Variants in CLINT1 observed in about 807,000 individuals in gnomAD.
CLINT1 encodes the protein clathrin interacting protein localized in the trans-Golgi region.
A neutral mutation model predicts 70.4 loss-of-function variants in CLINT1; 15 were observed. The ratio of observed to expected loss-of-function variants is 0.21; its 90% CI spans 0.14 to 0.33. The LOEUF is 0.33. Among genes scored for constraint, CLINT1 ranks in the 10% least tolerant of loss-of-function variants. CLINT1 has a pLI of 1.00. For synonymous variants in CLINT1, 227 were observed against 254.7 expected, an observed-to-expected ratio of 0.89 and a Z score of 1.04; for missense variants, 615 against 778.1, an observed-to-expected ratio of 0.79 and a Z score of 2.49.
chr5:157,822,737 A>G (rs1186981), intron 1 of CLINT1, among the ~76,000 whole-genome samples: 20,380 of 152,230 alleles, frequency 0.13, 1,800 homozygotes, highest in African/African-American at 0.25. Context: ...GGTAGAATTG[A>G]TTAAAAGCTA....
Position 157,787,806 on chromosome 5 carries a change from TTCA to T in CLINT1, c.1715_1717del (p.Met572del), listed in dbSNP as rs1277331312. On this transcript the variant is annotated inframe_deletion, in exon 12 of 12. Transcript: ENST00000411809. ...CATGTTCATGCCCATCATGCTCTGG[TTCA>T]TCATCGGAGTATTTCCAAGAGGGGC... 8 of 1,613,956 alleles carry T rather than the reference TTCA, an allele frequency of 5.0e-6. No individual in the cohort carries two copies. The African/African-American group carries it at 8.0e-5, about 16-fold the overall frequency.
At chr5:157,793,160 T>C (rs989482265) in intron 9 of CLINT1, among the ~76,000 whole-genome samples, 1 of 151,740 alleles carries the variant, frequency 6.6e-6, no homozygotes, top group East Asian at 1.9e-4. Context: ...CAATTTAATA[T>C]AAAAATTGGG....
Position 157,841,815 on chromosome 5 carries a change from G to C in CLINT1, c.41+17115C>G, listed in dbSNP as rs369706706. ...CCTCGCTAATTTTATATTTTTTGTA[G>C]AGACAGGGTCTTATTATGTGGCCCT... On this transcript the variant is annotated intron_variant, in intron 1 of 11. Coordinates refer to ENST00000411809, the MANE Select transcript of CLINT1 (RefSeq NM_014666.4). Among the ~76,000 whole-genome samples the C allele has an allele frequency of 8.3e-4, 126 of 152,190 alleles. 1 individual carries two copies. The highest frequency in any genetic ancestry group is 2.7e-3 in the African/African-American group (112 of 41,536).
At chr5:157,823,310 A>G (rs775936570) in intron 1 of CLINT1, among the ~76,000 whole-genome samples, 2 of 152,210 alleles carry the variant, frequency 1.3e-5, no homozygotes, top group Non-Finnish European at 2.9e-5. Context: ...AAAGTATTAT[A>G]TTGTAACCAA....
chr5:157,817,882 T>C (rs1013831486), intron 1 of CLINT1, among the ~76,000 whole-genome samples: 5 of 152,200 alleles, frequency 3.3e-5, no homozygotes, highest in Non-Finnish European at 5.9e-5. Flanking sequence ...TAAAACTAAG[T>C]TGTCAGTTTC....
intron 1 of CLINT1, among the ~76,000 whole-genome samples, chr5:157,848,846 G>C (rs946095722): frequency 6.6e-6 from 1 of 151,554 alleles, no homozygotes; most frequent in Non-Finnish European, 1.5e-5. Flanking sequence ...ATTTTTAGTA[G>C]AGACGGGGTT....
chr5:157,851,647 A>G (rs570055295), intron 1 of CLINT1, among the ~76,000 whole-genome samples: 42 of 149,476 alleles, frequency 2.8e-4, no homozygotes, highest in African/African-American at 9.9e-4. Context: ...AGATGGCACC[A>G]TTACACTCCA....
At chr5:157,803,612 C>A (rs1438356752) in intron 8 of CLINT1, 38 bp downstream of exon 8, 1 of 1,368,296 alleles carries the variant, frequency 7.3e-7, no homozygotes, top group Middle Eastern at 1.9e-4. Flanking sequence ...TAAAAAATGA[C>A]TCTCAAACCA....
At chr5:157,842,076 T>C (rs1044899306) in intron 1 of CLINT1, among the ~76,000 whole-genome samples, 3 of 152,238 alleles carry the variant, frequency 2.0e-5, no homozygotes, top group Admixed American at 1.3e-4. Context: ...CTTTTAGATA[T>C]AGATGTAAGT....
At chr5:157,791,205 C>T (rs1234197143) in intron 10 of CLINT1, among the ~76,000 whole-genome samples, 1 of 152,066 alleles carries the variant, frequency 6.6e-6, no homozygotes, top group African/African-American at 2.4e-5. Context: ...ACTACAGGTG[C>T]CTGCCACCAT....
At position 157,787,852 on chromosome 5, in the gene CLINT1, T is replaced by C. The variant is rs2113114235; in HGVS notation, c.1672A>G (p.Thr558Ala). 2 of 1,613,932 alleles carry C rather than the reference T, an allele frequency of 1.2e-6. No individual in the cohort carries two copies. Among genetic ancestry groups the C allele is most frequent in the South Asian group, 1.1e-5 (1 of 91,078 alleles). ...PMPMSMPNVMTGTMGMAPLGN... is the reference protein window; with the variant it reads ...PMPMSMPNVMAGTMGMAPLGN... ...AGAGGGGCCATTCCCATGGTGCCAG[T>C]CATCACATTGGGCATGCTCATAGGC... Residue 558 changes from threonine to alanine, a missense_variant, in exon 12 of 12, where the codon ACT (threonine) becomes GCT (alanine). This residue lies in a region of CLINT1 where 374 missense variants were observed against 409.6 expected (regional missense o/e 0.91). Transcript: ENST00000411809.
chr5:157,830,815 T>C (rs980012975), intron 1 of CLINT1, among the ~76,000 whole-genome samples: 1 of 141,726 alleles, frequency 7.1e-6, no homozygotes, highest in African/African-American at 2.6e-5. Flanking sequence ...TATATATATA[T>C]AGAAACACAT....
At chr5:157,808,364 C>G (rs3097836) in intron 6 of CLINT1, among the ~76,000 whole-genome samples, 5 of 151,722 alleles carry the variant, frequency 3.3e-5, no homozygotes, top group Admixed American at 2.6e-4. Context: ...GGATTTTTGG[C>G]GCAGGGTAAA....
At chr5:157,843,855 C>A (rs1262885422) in intron 1 of CLINT1, among the ~76,000 whole-genome samples, 1 of 152,178 alleles carries the variant, frequency 6.6e-6, no homozygotes, top group Non-Finnish European at 1.5e-5. Context: ...AAAATTACGT[C>A]TTTGCAGACA....
At chr5:157,808,122 T>C (rs2113186632) in intron 6 of CLINT1, among the ~76,000 whole-genome samples, 1 of 152,218 alleles carries the variant, frequency 6.6e-6, no homozygotes, top group Middle Eastern at 3.4e-3. Context: ...GGGAGGGAAA[T>C]GGTGCCCACT....
At chr5:157,839,301 C>T (rs1763535706) in intron 1 of CLINT1, among the ~76,000 whole-genome samples, 1 of 151,628 alleles carries the variant, frequency 6.6e-6, no homozygotes, top group South Asian at 2.1e-4. Context: ...CACCACACTT[C>T]CAAAGAACTT....
Position 157,858,980 on chromosome 5 carries a change from C to T in CLINT1, c.-10G>A. On this transcript the variant is annotated 5_prime_UTR_variant, in exon 1 of 12. Transcript: ENST00000411809. ...TCCACATGTTCAACATCGTGCCCCG[C>T]GCGGGACGGTCCGCCGCCTCCCTCT... The T allele has an allele frequency of 1.9e-6, 3 of 1,610,840 alleles. No homozygotes were observed. Among genetic ancestry groups the T allele is most frequent in the Non-Finnish European group, 1.7e-6 (2 of 1,178,710 alleles).
chr5:157,796,602 G>A (rs1186605170), intron 8 of CLINT1, among the ~76,000 whole-genome samples: 1 of 152,144 alleles, frequency 6.6e-6, no homozygotes, highest in Non-Finnish European at 1.5e-5. Context: ...GAACATCTGG[G>A]CTGCACTCAA....
At chr5:157,854,980 T>C (rs1753703995) in intron 1 of CLINT1, among the ~76,000 whole-genome samples, 1 of 151,634 alleles carries the variant, frequency 6.6e-6, no homozygotes. Context: ...CTCAGCTGTA[T>C]GAAAAATACA....
Sources: allele counts gnomAD v4.1 joint callset (sites outside exome capture counted in the v4.1 genomes callset), GRCh38; gene constraint gnomAD v4.1.1; regional missense constraint gnomAD v4.1.1; transcripts MANE v1.5; gene names NCBI Gene and HGNC (gene_info 2026-07-23, HGNC 2026-07-21).